PKD1L1: variants seen among roughly 807,000 people sequenced by gnomAD.
PKD1L1 encodes the protein polycystin-1-like protein 1.
Under a neutral mutation model 323.4 loss-of-function variants are expected in PKD1L1, and 236 were observed. The observed-to-expected ratio is 0.73, with a 90% CI of 0.66 to 0.81. PKD1L1 has a LOEUF of 0.81. Among genes scored for constraint, PKD1L1 ranks in the 40% least tolerant of loss-of-function variants. The pLI is 0.00. For missense variants in PKD1L1, 3,320 were observed against 3,508.0 expected, an observed-to-expected ratio of 0.95 and a Z score of 1.35; for synonymous variants, 1,344 against 1,335.0, an observed-to-expected ratio of 1.01 and a Z score of -0.15.
intron 54 of PKD1L1, among the ~76,000 whole-genome samples, chr7:47,796,648 T>C (rs1007678819): frequency 2.0e-5 from 3 of 152,148 alleles, no homozygotes; most frequent in African/African-American, 4.8e-5. Context: ...CTCAAAAGCC[T>C]ACTGGTAACA....
At chr7:47,879,246 T>A (rs62447070) in intron 21 of PKD1L1, among the ~76,000 whole-genome samples, 54,915 of 152,016 alleles carry the variant, frequency 0.36, 11,246 homozygotes, top group African/African-American at 0.56. Flanking sequence ...TGTATGACAA[T>A]AGAGTTCACA....
chr7:47,830,277 G>A (rs1785319745), intron 42 of PKD1L1, among the ~76,000 whole-genome samples, 153 bp from the exon 43 acceptor site: 1 of 152,252 alleles, frequency 6.6e-6, no homozygotes, highest in Non-Finnish European at 1.5e-5. Context: ...GACATGGGCA[G>A]TGTCTTTCTG....
At position 47,882,104 on chromosome 7, in the gene PKD1L1, C is replaced by G; in HGVS notation, c.3266-19G>C. The G allele has an allele frequency of 6.2e-7, 1 of 1,608,992 alleles. No individual in the cohort carries two copies. The highest frequency in any genetic ancestry group is 8.5e-7 in the Non-Finnish European group (1 of 1,178,660). On this transcript the variant is annotated intron_variant, in intron 19 of 56. Coordinates refer to ENST00000289672, the MANE Select transcript of PKD1L1 (RefSeq NM_138295.5). The stretch of plus-strand genomic sequence containing the variant: ...TCCTTAGCTAGGAAGATAAACCAAG[C>G]CAATAGATGTTAAAGAAAAAAAGTC...
intron 2 of PKD1L1, 93 bp from the exon 3 acceptor site, chr7:47,940,410 G>C: frequency 7.3e-7 from 1 of 1,372,886 alleles, no homozygotes; most frequent in Non-Finnish European, 9.9e-7. Context: ...TTATACATAA[G>C]GTCAAAGCCA....
At chr7:47,807,643 G>A (rs1295253555) in intron 52 of PKD1L1, among the ~76,000 whole-genome samples, 3 of 152,130 alleles carry the variant, frequency 2.0e-5, no homozygotes, top group Non-Finnish European at 2.9e-5. Context: ...GTTGTGGGGG[G>A]ATCCTGCCCC....
chr7:47,857,929 C>G, intron 27 of PKD1L1, 97 bp from the exon 28 acceptor site: 2 of 1,204,494 alleles, frequency 1.7e-6, no homozygotes, highest in Non-Finnish European at 2.3e-6. Context: ...AGTTAAAAAG[C>G]CCATCTCAAG....
chr7:47,825,761 G>C (rs1785230468), intron 45 of PKD1L1, among the ~76,000 whole-genome samples: 1 of 152,110 alleles, frequency 6.6e-6, no homozygotes, highest in Admixed American at 6.5e-5. Context: ...TTAAGATTAT[G>C]CCTAAGTGTA....
At chr7:47,929,586 C>T (rs1350992951) in intron 6 of PKD1L1, 60 bp from the exon 7 acceptor site, 1 of 1,473,830 alleles carries the variant, frequency 6.8e-7, no homozygotes, top group Admixed American at 2.1e-5. Context: ...GGTGGGAGGG[C>T]AGAAGCCAAG....
At chr7:47,800,027 T>C (rs934466075) in intron 54 of PKD1L1, among the ~76,000 whole-genome samples, 1 of 152,248 alleles carries the variant, frequency 6.6e-6, no homozygotes, top group African/African-American at 2.4e-5. Context: ...CTGAAAACTT[T>C]TCCATTGTTT....
At chr7:47,951,356 C>A (rs147532369), upstream of PKD1L1, among the ~76,000 whole-genome samples, 223 of 152,282 alleles carry the variant, frequency 1.5e-3, no homozygotes, top group African/African-American at 5.0e-3. Flanking sequence ...TTGTTTTAAA[C>A]AAAAGCCACC....
intron 7 of PKD1L1, among the ~76,000 whole-genome samples, chr7:47,922,778 C>A (rs1342539504): frequency 6.6e-6 from 1 of 151,504 alleles, no homozygotes; most frequent in African/African-American, 2.4e-5. Flanking sequence ...CCCCGGCCAG[C>A]CGCCCCATCT....
intron 52 of PKD1L1, 113 bp downstream of exon 52, chr7:47,808,134 G>A (rs745621316): frequency 1.7e-5 from 22 of 1,330,708 alleles, no homozygotes; most frequent in African/African-American, 8.7e-5. Flanking sequence ...ATCATCTCTC[G>A]ATATCAAACA....
chr7:47,921,689 AT>A (rs59994475), intron 7 of PKD1L1, among the ~76,000 whole-genome samples: 18,389 of 152,192 alleles, frequency 0.12, 3,774 homozygotes, highest in African/African-American at 0.42. Flanking sequence ...ATATATATAT[AT>A]AATGAGATAC....
Position 47,885,746 on chromosome 7 carries a change from G to A in PKD1L1, c.3145C>T (p.Leu1049=). The change falls in exon 18 of 57, where the codon CTG becomes TTG. Residue 1049 remains leucine (L), a synonymous_variant. Transcript: ENST00000289672. ...LEPGPQSKGS[L]MTGRSERSQP... is the part of the protein sequence containing the mutation. ...CTTCTCTCAGAGCGGCCAGTCATCA[G>A]GGATCCCTTGCTCTGTGGCCCTGGC... is the stretch of plus-strand genomic sequence containing the variant. 2 of 1,614,186 alleles carry A rather than the reference G, an allele frequency of 1.2e-6. No homozygotes were observed. Among genetic ancestry groups the A allele is most frequent in the Admixed American group, 1.7e-5 (1 of 60,026 alleles).
At chr7:47,790,858 G>C (rs1345523725) in intron 56 of PKD1L1, among the ~76,000 whole-genome samples, 3 of 151,620 alleles carry the variant, frequency 2.0e-5, no homozygotes, top group Admixed American at 2.0e-4. Context: ...CTGGACCCCA[G>C]TAATCTTTCC....
chr7:47,814,562 T>C (rs1355192517), intron 47 of PKD1L1, among the ~76,000 whole-genome samples: 6 of 152,054 alleles, frequency 3.9e-5, no homozygotes, highest in African/African-American at 1.4e-4. Flanking sequence ...GTATTTTTAG[T>C]CTGGAGTGCA....
In PKD1L1 at chr7:47,890,650, A is replaced by G; in HGVS notation, c.2567T>C (p.Leu856Pro). Residue 856 changes from leucine (L) to proline (P), a missense_variant, in exon 16 of 57, where the codon CTC becomes CCC. Leu to Pro is a moderately conservative substitution (Grantham distance 98, BLOSUM62 -3). Transcript: ENST00000289672. ...APTVSFEAQW[L>P]SDSYDQFLVM... ...AAGGAACTGATCATAGCTGTCACTG[A>G]GCCATTGTGCCTCAAAGGAAACAGT... is the stretch of plus-strand genomic sequence containing the variant. 1 of 1,614,100 alleles carries G rather than the reference A, an allele frequency of 6.2e-7. No homozygotes were observed. The highest frequency in any genetic ancestry group is 8.5e-7 in the Non-Finnish European group (1 of 1,180,010).
intron 29 of PKD1L1, 24 bp downstream of exon 29, chr7:47,855,131 G>C: frequency 6.2e-7 from 1 of 1,611,822 alleles, no homozygotes; most frequent in Non-Finnish European, 8.5e-7. Flanking sequence ...ATGAAGTAGA[G>C]ATACTGAGAA....
upstream of PKD1L1, among the ~76,000 whole-genome samples, chr7:47,953,046 CAA>C: frequency 6.6e-6 from 1 of 152,258 alleles, no homozygotes; most frequent in South Asian, 2.1e-4. Context: ...GTTCTCTCTG[CAA>C]AGTCACATGC....
Sources: gnomAD v4.1 joint callset for allele counts (sites outside exome capture counted in the v4.1 genomes callset) on GRCh38, gnomAD v4.1.1 for gene constraint, MANE v1.5 for transcripts, NCBI Gene and HGNC (gene_info 2026-07-23, HGNC 2026-07-21) for gene names.